The following XIRP2 variants were observed in gnomAD, a reference collection of about 807,000 sequenced individuals.
XIRP2 encodes xin actin binding repeat containing 2.
In XIRP2, 236 loss-of-function variants were observed where a neutral mutation model predicts 277.0. The observed-to-expected ratio is 0.85, with a 90% CI of 0.77 to 0.95. The LOEUF is 0.95. Among genes scored for constraint, XIRP2 ranks in the 40% least tolerant of loss-of-function variants. XIRP2 has a pLI of 0.00. For missense variants in XIRP2, 4,640 were observed against 4,157.5 expected, an observed-to-expected ratio of 1.12 and a Z score of -3.19; for synonymous variants, 1,490 against 1,416.5, an observed-to-expected ratio of 1.05 and a Z score of -1.17.
intron 3 of XIRP2, among the ~76,000 whole-genome samples, chr2:167,155,207 A>G (rs200269337): frequency 0.082 from 12,106 of 146,900 alleles, 536 homozygotes; most frequent in Middle Eastern, 0.13. Flanking sequence ...AACTATTCCA[A>G]TCAATAGAAA....
intron 2 of XIRP2, among the ~76,000 whole-genome samples, chr2:166,912,040 A>C (rs1035776925): frequency 6.6e-6 from 1 of 151,862 alleles, no homozygotes; most frequent in Non-Finnish European, 1.5e-5. Context: ...TGCCCTTAAC[A>C]TTTTTTCCTT....
chr2:166,983,101 G>T (rs965854391), intron 2 of XIRP2, among the ~76,000 whole-genome samples: 21 of 152,082 alleles, frequency 1.4e-4, no homozygotes, highest in African/African-American at 5.1e-4. Flanking sequence ...TTTTTTATCT[G>T]GGGGAAGTTT....
intron 3 of XIRP2, among the ~76,000 whole-genome samples, chr2:167,194,128 C>T (rs994042861): frequency 6.6e-6 from 1 of 151,616 alleles, no homozygotes; most frequent in Non-Finnish European, 1.5e-5. Context: ...GTTGCCCAGG[C>T]TGGAGTGCAA....
intron 2 of XIRP2, among the ~76,000 whole-genome samples, chr2:167,108,969 G>C (rs1574262367): frequency 6.6e-6 from 1 of 151,568 alleles, no homozygotes; most frequent in East Asian, 1.9e-4. Context: ...TTATTACATG[G>C]GTAACAAACT....
chr2:167,015,364 A>G (rs1687791466), intron 2 of XIRP2, among the ~76,000 whole-genome samples: 1 of 151,820 alleles, frequency 6.6e-6, no homozygotes, highest in Admixed American at 6.6e-5. Flanking sequence ...CATAAAAGTA[A>G]TAGTTAATAT....
At chr2:167,192,404 A>G (rs1693373355) in intron 3 of XIRP2, among the ~76,000 whole-genome samples, 1 of 152,116 alleles carries the variant, frequency 6.6e-6, no homozygotes, top group South Asian at 2.1e-4. Flanking sequence ...CTAATAAGTC[A>G]CCTTCATATT....
At chr2:166,942,421 C>T (rs776868719) in intron 2 of XIRP2, among the ~76,000 whole-genome samples, 74 of 152,102 alleles carry the variant, frequency 4.9e-4, no homozygotes, top group Admixed American at 1.3e-3. Context: ...AAATACATTG[C>T]CTAATGTTAT....
intron 5 of XIRP2, among the ~76,000 whole-genome samples, chr2:167,230,829 G>T (rs1374270549): frequency 5.3e-5 from 8 of 151,944 alleles, no homozygotes. Flanking sequence ...CTCCTTCAGT[G>T]CTCCCTCAGC....
At chr2:166,943,728 AT>A (rs1685782557) in intron 2 of XIRP2, among the ~76,000 whole-genome samples, 1 of 152,244 alleles carries the variant, frequency 6.6e-6, no homozygotes. Context: ...TATGGAAGCA[AT>A]TCAAATTAAA....
chr2:166,932,589 A>G (rs1056094749), intron 2 of XIRP2, among the ~76,000 whole-genome samples: 5 of 152,174 alleles, frequency 3.3e-5, no homozygotes, highest in African/African-American at 9.7e-5. Context: ...AAATGTTACT[A>G]TAATGTTCTG....
chr2:167,194,369 C>T (rs1327456065), intron 3 of XIRP2, among the ~76,000 whole-genome samples: 1 of 152,182 alleles, frequency 6.6e-6, no homozygotes, highest in Non-Finnish European at 1.5e-5. Context: ...GCGTGAGCCA[C>T]CACACCTGGC....
Position 167,219,539 on chromosome 2 carries a change from G to A in XIRP2, c.858+1239G>A, listed in dbSNP as rs993128946. Among the ~76,000 whole-genome samples, 13 of 152,158 alleles carry A rather than the reference G, an allele frequency of 8.5e-5. 1 individual carries two copies. Among genetic ancestry groups the A allele is most frequent in the Admixed American group, 8.5e-4 (13 of 15,266 alleles). ...GGATCTGGGTTTACACACCACCTCT[G>A]CTACTTTTCAGGGTTACACAGACCC... On this transcript the variant is annotated intron_variant, in intron 5 of 10. Transcript: ENST00000409195.
At chr2:167,240,627 TA>T (rs145701132) in intron 6 of XIRP2, 36 bp from the exon 7 acceptor site, 82,560 of 1,590,614 alleles carry the variant, frequency 0.052, 2,453 homozygotes, top group East Asian at 0.09. Flanking sequence ...ATTGACTTCT[TA>T]AAAACAATTT....
chr2:167,125,315 A>G (rs987119260), intron 2 of XIRP2, among the ~76,000 whole-genome samples: 6 of 152,204 alleles, frequency 3.9e-5, no homozygotes, highest in Non-Finnish European at 5.9e-5. Flanking sequence ...TAGGATACGT[A>G]GCTGTAAAGG....
chr2:166,944,483 C>T (rs1685800951), intron 2 of XIRP2, among the ~76,000 whole-genome samples: 1 of 152,158 alleles, frequency 6.6e-6, no homozygotes, highest in Non-Finnish European at 1.5e-5. Flanking sequence ...TACATTTCTT[C>T]TCAAAAATAG....
chr2:166,926,049 C>T (rs1186862225), intron 2 of XIRP2, among the ~76,000 whole-genome samples: 1 of 151,892 alleles, frequency 6.6e-6, no homozygotes, highest in African/African-American at 2.4e-5. Context: ...ACTGCAGCCT[C>T]AGCGACAGAG....
chr2:167,235,003 T>G (rs1694859653), intron 5 of XIRP2, among the ~76,000 whole-genome samples: 1 of 152,018 alleles, frequency 6.6e-6, no homozygotes, highest in South Asian at 2.1e-4. Context: ...ATGAATATCT[T>G]TTTCTTTTCC....
chr2:166,972,221 A>G (rs1428289971), intron 2 of XIRP2, among the ~76,000 whole-genome samples: 1 of 152,110 alleles, frequency 6.6e-6, no homozygotes, highest in Non-Finnish European at 1.5e-5. Context: ...CAGACACTGA[A>G]CCTTCCTGCA....
chr2:166,894,188 A>T (rs1684181598), intron 1 of XIRP2, among the ~76,000 whole-genome samples: 1 of 152,154 alleles, frequency 6.6e-6, no homozygotes, highest in African/African-American at 2.4e-5. Context: ...AATGACAGAG[A>T]TCACAAAATA....
Sources: allele counts gnomAD v4.1 joint callset (sites outside exome capture counted in the v4.1 genomes callset), GRCh38; gene constraint gnomAD v4.1.1; transcripts MANE v1.5; gene names NCBI Gene and HGNC (gene_info 2026-07-23, HGNC 2026-07-21).